RBPJ: variants seen among roughly 807,000 people sequenced by gnomAD.
The protein encoded by RBPJ is recombining binding protein suppressor of hairless.
In RBPJ, 9 loss-of-function variants were observed where a neutral mutation model predicts 67.8. The observed-to-expected ratio is 0.13, with a 90% CI of 0.08 to 0.23. The LOEUF (loss-of-function observed/expected upper bound fraction) is 0.23. Ranked by LOEUF, RBPJ falls within the 10% of genes least tolerant of loss-of-function variation. RBPJ has a pLI of 1.00. For synonymous variants in RBPJ, 198 were observed against 203.3 expected, an observed-to-expected ratio of 0.97 and a Z score of 0.22; for missense variants, 305 against 595.6, an observed-to-expected ratio of 0.51 and a Z score of 5.08.
chr4:26,334,482 C>T (rs1724598269), intron 1 of RBPJ, among the ~76,000 whole-genome samples: 1 of 151,788 alleles, frequency 6.6e-6, no homozygotes, highest in Admixed American at 6.6e-5. Flanking sequence ...CTTAAGTTTT[C>T]CCTTTTGTAC....
intron 1 of RBPJ, among the ~76,000 whole-genome samples, chr4:26,277,852 A>C (rs1721134846): frequency 6.6e-6 from 1 of 152,200 alleles, no homozygotes; most frequent in Admixed American, 6.5e-5. Flanking sequence ...ACTCTCTCCC[A>C]TAGGTTTCTA....
chr4:26,286,056 C>CGTGCCGCTGCAGTGCGCTATGATT (rs1338401330), intron 1 of RBPJ, among the ~76,000 whole-genome samples: 2 of 152,148 alleles, frequency 1.3e-5, no homozygotes, highest in East Asian at 3.8e-4. Context: ...GCGCTATGAT[C>CGTGCCGCTGCAGTGCGCTATGATT]GTGCCGCTGC....
chr4:26,320,932 G>A, upstream of RBPJ: 4 of 1,609,960 alleles, frequency 2.5e-6, no homozygotes, highest in Non-Finnish European at 3.4e-6. Flanking sequence ...GTGGAATCGA[G>A]GAGTGAGGAA....
chr4:26,244,184 T>TGTAC lies in RBPJ; in HGVS notation c.-167+80570_-167+80571insGTAC, dbSNP rs1560225858. Among the ~76,000 whole-genome samples the TGTAC allele has an allele frequency of 2.3e-4, 35 of 149,010 alleles. 2 individuals are homozygous for TGTAC. Among genetic ancestry groups the TGTAC allele is most frequent in the African/African-American group, 7.9e-4 (32 of 40,588 alleles). On this transcript the variant is annotated intron_variant, in intron 1 of 4. Coordinates refer to the RBPJ transcript ENST00000512351. ...ATATATATATGTATACACATATATG[T>TGTAC]ATACATATATGTGTCTATATATGTA...
chr4:26,280,077 G>A (rs531402626), intron 1 of RBPJ, among the ~76,000 whole-genome samples: 19 of 149,236 alleles, frequency 1.3e-4, no homozygotes, highest in Non-Finnish European at 2.2e-4. Context: ...ATGAGCCACC[G>A]TGCCCGACCA....
At chr4:26,206,168 G>A (rs923049382) in intron 1 of RBPJ, among the ~76,000 whole-genome samples, 3 of 152,072 alleles carry the variant, frequency 2.0e-5, no homozygotes, top group African/African-American at 4.8e-5. Flanking sequence ...AAAAGATTTC[G>A]AACATTCTAA....
At chr4:26,151,105 A>G in the RBPJ span, among the ~76,000 whole-genome samples, 1,734 of 152,238 alleles carry the variant, frequency 0.011, 18 homozygotes, top group Non-Finnish European at 0.016. Context: ...GAAATACGGA[A>G]ATGATACCAA....
At chr4:26,224,773 A>C (rs1281095323) in intron 1 of RBPJ, among the ~76,000 whole-genome samples, 2 of 152,250 alleles carry the variant, frequency 1.3e-5, no homozygotes, top group East Asian at 3.8e-4. Context: ...CAGTCAGGGC[A>C]GCGAAAACAA....
At chr4:26,163,368 A>G (rs1472954013), upstream of RBPJ, 1 of 148,380 alleles carries the variant, frequency 6.7e-6, no homozygotes, top group Admixed American at 6.6e-5. Context: ...AAGCACATCC[A>G]AATCCTCTAC....
intron 1 of RBPJ, among the ~76,000 whole-genome samples, chr4:26,303,350 G>A (rs1386943096): frequency 6.9e-6 from 1 of 144,806 alleles, no homozygotes; most frequent in Non-Finnish European, 1.5e-5. Context: ...GCCTACATCT[G>A]TAATCCCAGG....
chr4:26,319,769 A>T, upstream of RBPJ: 1 of 1,107,832 alleles, frequency 9.0e-7, no homozygotes, highest in Admixed American at 1.8e-5. Context: ...CGCCTTCAAC[A>T]GGTTTCGGGC....
intron 2 of RBPJ, among the ~76,000 whole-genome samples, chr4:26,397,219 C>T (rs1441107748): frequency 6.6e-6 from 1 of 152,138 alleles, no homozygotes; most frequent in Non-Finnish European, 1.5e-5. Flanking sequence ...TATTGTGGAG[C>T]TCACTTTGAG....
At chr4:26,412,624 C>A (rs1490302427) in intron 3 of RBPJ, among the ~76,000 whole-genome samples, 1 of 152,174 alleles carries the variant, frequency 6.6e-6, no homozygotes, top group Non-Finnish European at 1.5e-5. Flanking sequence ...CTGTTGGTCC[C>A]AAGCATTTTA....
At chr4:26,354,191 A>G (rs1274641492) in intron 1 of RBPJ, among the ~76,000 whole-genome samples, 1 of 151,976 alleles carries the variant, frequency 6.6e-6, no homozygotes, top group African/African-American at 2.4e-5. Flanking sequence ...TCGGCCTCCC[A>G]AAGTGCTGGG....
intron 1 of RBPJ, among the ~76,000 whole-genome samples, chr4:26,337,677 T>G (rs993432370): frequency 1.2e-4 from 17 of 138,044 alleles, no homozygotes; most frequent in African/African-American, 4.3e-4. Flanking sequence ...TTATAATTCT[T>G]TATCCTTTTT....
At chr4:26,187,788 G>A (rs918388465) in intron 1 of RBPJ, among the ~76,000 whole-genome samples, 10 of 152,178 alleles carry the variant, frequency 6.6e-5, no homozygotes, top group Admixed American at 5.2e-4. Context: ...TTGGGAGGCC[G>A]AGGTGGGTGG....
the RBPJ span, among the ~76,000 whole-genome samples, chr4:26,157,126 C>G: frequency 6.6e-6 from 1 of 150,482 alleles, no homozygotes; most frequent in African/African-American, 2.4e-5. Flanking sequence ...CAAAAAAACC[C>G]CCAAAACTAA....
intron 8 of RBPJ, among the ~76,000 whole-genome samples, chr4:26,429,257 C>T (rs1735979296): frequency 6.6e-6 from 1 of 152,112 alleles, no homozygotes; most frequent in Admixed American, 6.5e-5. Context: ...GTCGTGGTTT[C>T]CGAAGATAGT....
chr4:26,419,641 C>T (rs561239317), intron 4 of RBPJ, among the ~76,000 whole-genome samples: 12 of 152,138 alleles, frequency 7.9e-5, no homozygotes, highest in Middle Eastern at 3.4e-3. Context: ...AAATATAATT[C>T]GATACTTTAG....
Sources: gnomAD v4.1 joint callset for allele counts (sites outside exome capture counted in the v4.1 genomes callset) on GRCh38, gnomAD v4.1.1 for gene constraint, MANE v1.5 for transcripts, NCBI Gene and HGNC (gene_info 2026-07-23, HGNC 2026-07-21) for gene names.